The following RELN variants were observed in gnomAD, a reference collection of about 807,000 sequenced individuals.
RELN encodes reelin.
Under a neutral mutation model 427.6 loss-of-function variants are expected in RELN, and 108 were observed. The observed-to-expected ratio is 0.25, with a 90% CI of 0.22 to 0.30. The LOEUF (loss-of-function observed/expected upper bound fraction) is 0.30, where lower values mean the gene tolerates loss of function less well. RELN is among the 10% of genes least tolerant of loss of function. The probability of loss-of-function intolerance (pLI) is 1.00; values close to 1 mark genes in which losing one functional copy is unlikely to be tolerated. For missense variants in RELN, 3,715 were observed against 4,302.8 expected, an observed-to-expected ratio of 0.86 and a Z score of 3.82; for synonymous variants, 1,524 against 1,513.4, an observed-to-expected ratio of 1.01 and a Z score of -0.16.
At chr7:103,666,487 CTT>C (rs762468058) in intron 11 of RELN, among the ~76,000 whole-genome samples, 31 of 152,244 alleles carry the variant, frequency 2.0e-4, no homozygotes, top group Non-Finnish European at 2.8e-4. Context: ...TCATATCTCT[CTT>C]ATCTCAATTG....
chr7:103,989,237 G>A lies in RELN; in HGVS notation c.120C>T (p.Cys40=). ...YPRFSPFFFL[C]THHGELEGDG... The stretch of plus-strand genomic sequence containing the variant: ...CCCCTTCCAGCTCCCCGTGGTGGGT[G>A]CACAGGAAAAAGAAGGGCGAAAAGC... Residue 40 remains cysteine (C), a synonymous_variant, in exon 1 of 65, where the codon TGC becomes TGT. Transcript: ENST00000428762. The surrounding 1 kb of genome is among the most constrained non-coding windows in gnomAD (Gnocchi z 4.9). 1 of 1,614,070 alleles carries A rather than the reference G, an allele frequency of 6.2e-7. No individual in the cohort carries two copies. Among genetic ancestry groups the A allele is most frequent in the Non-Finnish European group, 8.5e-7 (1 of 1,179,992 alleles).
intron 16 of RELN, among the ~76,000 whole-genome samples, chr7:103,644,407 C>CT (rs199766997): frequency 0.034 from 4,541 of 134,716 alleles, 114 homozygotes; most frequent in African/African-American, 0.065. Flanking sequence ...ATAAGTATGT[C>CT]TTTTTTTTTT....
intron 24 of RELN, among the ~76,000 whole-genome samples, chr7:103,600,409 G>A (rs562474475): frequency 1.3e-5 from 2 of 152,302 alleles, no homozygotes; most frequent in South Asian, 4.1e-4. Flanking sequence ...GCCGCCAGGA[G>A]TCTTCCCTGT....
intron 46 of RELN, among the ~76,000 whole-genome samples, chr7:103,534,311 G>A (rs986610898): frequency 2.0e-5 from 3 of 152,270 alleles, no homozygotes; most frequent in East Asian, 1.9e-4. Flanking sequence ...CTATCAAGAT[G>A]TTAAAGCTTT....
chr7:103,560,796 A>C (rs1830624745), intron 36 of RELN, among the ~76,000 whole-genome samples: 1 of 152,234 alleles, frequency 6.6e-6, no homozygotes, highest in Non-Finnish European at 1.5e-5. Flanking sequence ...GATTCAAACA[A>C]GGATGATAAC....
At chr7:103,820,802 A>G (rs905204533) in intron 3 of RELN, among the ~76,000 whole-genome samples, 2 of 152,084 alleles carry the variant, frequency 1.3e-5, no homozygotes, top group African/African-American at 4.8e-5. Context: ...GGTTGACAAG[A>G]AAACCACTTA....
intron 2 of RELN, among the ~76,000 whole-genome samples, chr7:103,852,427 T>C (rs1793845095): frequency 1.3e-5 from 2 of 152,202 alleles, no homozygotes; most frequent in South Asian, 4.1e-4. Flanking sequence ...TGGTAAATTA[T>C]ATGTAAACTC....
chr7:103,957,880 C>G (rs1016771888), intron 1 of RELN, among the ~76,000 whole-genome samples: 3 of 152,126 alleles, frequency 2.0e-5, no homozygotes, highest in Non-Finnish European at 4.4e-5. Context: ...TTTACAAAAG[C>G]ATTAGTAATA....
At chr7:103,644,423 A>G (rs938372507) in intron 16 of RELN, among the ~76,000 whole-genome samples, 49 of 144,922 alleles carry the variant, frequency 3.4e-4, no homozygotes, top group African/African-American at 1.2e-3. Context: ...TTTTTTTTTT[A>G]GAAAACCCAA....
At chr7:103,891,301 C>T (rs1212807514) in intron 2 of RELN, among the ~76,000 whole-genome samples, 1 of 152,054 alleles carries the variant, frequency 6.6e-6, no homozygotes, top group African/African-American at 2.4e-5. Context: ...GGATTATATG[C>T]ATGAAACTGG....
chr7:103,685,635 C>T (rs1228617004), intron 10 of RELN, among the ~76,000 whole-genome samples: 2 of 151,982 alleles, frequency 1.3e-5, no homozygotes, highest in Non-Finnish European at 2.9e-5. Flanking sequence ...ATTGTTTGTA[C>T]TTGTTTCATT....
At chr7:103,663,289 G>A (rs77639008) in intron 11 of RELN, among the ~76,000 whole-genome samples, 5,422 of 152,098 alleles carry the variant, frequency 0.036, 155 homozygotes, top group East Asian at 0.14. Context: ...CAGGATCTGC[G>A]TCTTATTTTT....
intron 49 of RELN, among the ~76,000 whole-genome samples, chr7:103,516,923 T>C (rs923908916): frequency 1.3e-5 from 2 of 152,158 alleles, no homozygotes; most frequent in Admixed American, 6.5e-5. Context: ...GTAGGATGCT[T>C]TTAGCTGGAT....
At chr7:103,726,100 A>G (rs1790204305) in intron 7 of RELN, among the ~76,000 whole-genome samples, 1 of 152,236 alleles carries the variant, frequency 6.6e-6, no homozygotes, top group Non-Finnish European at 1.5e-5. Context: ...GACGGCATTC[A>G]GTCACAAAGT....
rs147791513 is a variant in RELN, at chr7:103,905,611, T to C, written c.337+11464A>G. On this transcript the variant is annotated intron_variant, in intron 2 of 64. Transcript: ENST00000428762. Reference sequence around the variant, plus strand: ...AAGGGCAGCTCAAATACCTTACGAATCCTCAAAGATTGTTATTGGTCTATT... The same window carrying C: ...AAGGGCAGCTCAAATACCTTACGAACCCTCAAAGATTGTTATTGGTCTATT... Among the ~76,000 whole-genome samples the C allele has an allele frequency of 8.3e-3, 1,257 of 152,286 alleles. 11 individuals carry two copies. Among genetic ancestry groups the C allele is most frequent in the South Asian group, 0.029 (140 of 4,826 alleles).
chr7:103,660,190 G>GA (rs1833108621), intron 12 of RELN, among the ~76,000 whole-genome samples: 1 of 151,988 alleles, frequency 6.6e-6, no homozygotes, highest in Non-Finnish European at 1.5e-5. Flanking sequence ...GGGGAAAAGG[G>GA]AAAAAACTTA....
chr7:103,472,977 C>T (rs763784554), intron 64 of RELN, 69 bp from the exon 65 acceptor site: 28 of 1,223,362 alleles, frequency 2.3e-5, no homozygotes, highest in South Asian at 1.2e-5. Flanking sequence ...CATCATTGAA[C>T]GTGCAATCTA....
Position 103,573,243 on chromosome 7 carries a change from G to C in RELN, c.4511+849C>G, listed in dbSNP as rs1474308523. Reference sequence around the variant, plus strand: ...GGTGTGAGCTACCGCATCCAGCCAAGATGAGGAAAAATCTAACTTAAGAAG... The same window carrying C: ...GGTGTGAGCTACCGCATCCAGCCAACATGAGGAAAAATCTAACTTAAGAAG... On this transcript the variant is annotated intron_variant, in intron 30 of 64. Coordinates refer to ENST00000428762, the MANE Select transcript of RELN (RefSeq NM_005045.4). The surrounding 1 kb of genome is among the most constrained non-coding windows in gnomAD (Gnocchi z 4.4). 1.3e-5 allele frequency among the ~76,000 whole-genome samples: 2 copies of C among 152,210 alleles called. No homozygotes were observed. Among genetic ancestry groups the C allele is most frequent in the African/African-American group, 4.8e-5 (2 of 41,448 alleles).
At chr7:103,852,136 C>T (rs1793837762) in intron 2 of RELN, among the ~76,000 whole-genome samples, 1 of 152,166 alleles carries the variant, frequency 6.6e-6, no homozygotes, top group South Asian at 2.1e-4. Flanking sequence ...CTTCTACTTA[C>T]TTTACTAAAT....
Sources: allele counts gnomAD v4.1 joint callset (sites outside exome capture counted in the v4.1 genomes callset), GRCh38; gene constraint gnomAD v4.1.1; non-coding constraint Gnocchi (gnomAD v3.1); transcripts MANE v1.5; gene names NCBI Gene and HGNC (gene_info 2026-07-23, HGNC 2026-07-21).